ABLIM1: variants seen among roughly 807,000 people sequenced by gnomAD.
ABLIM1 encodes the protein actin-binding LIM protein 1.
A neutral mutation model predicts 107.0 loss-of-function variants in ABLIM1; 40 were observed. The ratio of observed to expected loss-of-function variants is 0.37; its 90% CI spans 0.29 to 0.49. The LOEUF (loss-of-function observed/expected upper bound fraction) is 0.49, where lower values mean the gene tolerates loss of function less well. ABLIM1 is among the 20% of genes least tolerant of loss of function. The pLI, the probability that ABLIM1 is intolerant of heterozygous loss-of-function variation, is 0.97. For synonymous variants in ABLIM1, 357 were observed against 357.3 expected (o/e 1.00, Z 0.01); for missense variants, 857 against 1,008.5 (o/e 0.85, Z 2.04).
At chr10:114,747,081 G>C (rs2142363666) in intron 1 of ABLIM1, among the ~76,000 whole-genome samples, 1 of 152,230 alleles carries the variant, frequency 6.6e-6, no homozygotes, top group East Asian at 1.9e-4. Flanking sequence ...TGTGTAGAAG[G>C]AAAAGTCTTC....
intron 14 of ABLIM1, among the ~76,000 whole-genome samples, chr10:114,450,313 C>A (rs2061661401): frequency 6.6e-6 from 1 of 151,378 alleles, no homozygotes; most frequent in Non-Finnish European, 1.5e-5. Context: ...AGCTCTAGAA[C>A]CATTACGATA....
At chr10:114,591,633 T>G (rs2074886935) in intron 2 of ABLIM1, among the ~76,000 whole-genome samples, 1 of 152,152 alleles carries the variant, frequency 6.6e-6, no homozygotes, top group Non-Finnish European at 1.5e-5. Context: ...AAAAAAAAAT[T>G]CTTCTTTCTC....
chr10:114,769,637 G>A (rs2082998989), upstream of ABLIM1, among the ~76,000 whole-genome samples: 1 of 152,092 alleles, frequency 6.6e-6, no homozygotes, highest in African/African-American at 2.4e-5. Flanking sequence ...CCATCCTGAT[G>A]TGATGGGAAT....
At chr10:114,612,680 G>T (rs558749513) in intron 1 of ABLIM1, among the ~76,000 whole-genome samples, 1 of 152,196 alleles carries the variant, frequency 6.6e-6, no homozygotes, top group Non-Finnish European at 1.5e-5. Flanking sequence ...AATGAATCCA[G>T]TCTAACAAAT....
At chr10:114,655,822 A>G (rs1022850360) in intron 1 of ABLIM1, among the ~76,000 whole-genome samples, 1 of 152,192 alleles carries the variant, frequency 6.6e-6, no homozygotes, top group Non-Finnish European at 1.5e-5. Flanking sequence ...TGTTAAGAGT[A>G]AGAGACAAGG....
intron 6 of ABLIM1, among the ~76,000 whole-genome samples, chr10:114,494,549 C>T (rs1037150435): frequency 1.3e-5 from 2 of 151,830 alleles, no homozygotes; most frequent in African/African-American, 2.4e-5. Flanking sequence ...GCAAACCAAA[C>T]CAAACAACAA....
In ABLIM1 at chr10:114,463,785, G is replaced by A. The variant is rs1173151985; in HGVS notation, c.1441+1913C>T. Among the ~76,000 whole-genome samples, 3 of 152,070 alleles carry A rather than the reference G, an allele frequency of 2.0e-5. No individual in the cohort carries two copies. The East Asian group carries it at 5.8e-4, about 29-fold the overall frequency. ...CCGAGGGGGTTTTAAATCATCATCT[G>A]GCATCTAGAACTTGTGGAGTGGACA... On this transcript the variant is annotated intron_variant, in intron 12 of 22. Coordinates refer to ENST00000533213, the MANE Select transcript of ABLIM1 (RefSeq NM_002313.7).
chr10:114,732,059 C>T (rs956302963), intron 1 of ABLIM1, among the ~76,000 whole-genome samples: 32 of 151,768 alleles, frequency 2.1e-4, no homozygotes, highest in Non-Finnish European at 1.0e-4. Context: ...TATTAGTGTT[C>T]CAATTTCTCT....
chr10:114,634,129 C>CTTT lies in ABLIM1; in HGVS notation c.244+23825_244+23827dup, dbSNP rs745875295. Among the ~76,000 whole-genome samples the CTTT allele has an allele frequency of 1.4e-3, 93 of 68,284 alleles. 10 individuals are homozygous for CTTT. The highest frequency in any genetic ancestry group is 0.01 in the Middle Eastern group (1 of 98). 44.8% of individuals were successfully genotyped at this position (68,284 alleles called of 152,430 possible). On this transcript the variant is annotated intron_variant, in intron 1 of 22. Coordinates refer to ENST00000533213, the MANE Select transcript of ABLIM1 (RefSeq NM_002313.7). Reference sequence around the variant, plus strand: ...CGTAAATGCCATTAGCTCAATTTTTCTTTTTTTTTTTTTTTTTTTTTGAGA... The same window carrying CTTT: ...CGTAAATGCCATTAGCTCAATTTTTCTTTTTTTTTTTTTTTTTTTTTTTTGAGA...
intron 1 of ABLIM1, among the ~76,000 whole-genome samples, chr10:114,708,252 A>G (rs2081468287): frequency 6.6e-6 from 1 of 152,196 alleles, no homozygotes; most frequent in Admixed American, 6.5e-5. Flanking sequence ...CACCATTCCA[A>G]GGCTGTAATT....
chr10:114,588,487 C>CTTTTTTTTT (rs34043960), intron 2 of ABLIM1, among the ~76,000 whole-genome samples: 77 of 76,566 alleles, frequency 1.0e-3, no homozygotes, highest in African/African-American at 2.6e-3. Flanking sequence ...TTCTTTCTTT[C>CTTTTTTTTT]TTTTTTTTTT....
intron 6 of ABLIM1, among the ~76,000 whole-genome samples, chr10:114,532,518 C>T (rs1470653380): frequency 6.6e-6 from 1 of 152,222 alleles, no homozygotes; most frequent in Non-Finnish European, 1.5e-5. Context: ...GCAGACCCCT[C>T]AGCGCAGCAT....
upstream of ABLIM1, among the ~76,000 whole-genome samples, chr10:114,686,923 G>A (rs1339552227): frequency 1.3e-5 from 2 of 152,010 alleles, no homozygotes; most frequent in South Asian, 2.1e-4. Flanking sequence ...CACAGTGCCC[G>A]GCCTCAAACA....
intron 1 of ABLIM1, among the ~76,000 whole-genome samples, chr10:114,767,863 G>T (rs1219766125): frequency 1.3e-5 from 2 of 152,048 alleles, no homozygotes; most frequent in African/African-American, 2.4e-5. Flanking sequence ...CCTTAGGCTC[G>T]CCCACATCCG....
At chr10:114,639,819 TTG>T (rs1290806119) in intron 1 of ABLIM1, among the ~76,000 whole-genome samples, 2 of 152,200 alleles carry the variant, frequency 1.3e-5, no homozygotes, top group African/African-American at 2.4e-5. Context: ...TGCGTGCAGT[TTG>T]TGTGTTTGCT....
At chr10:114,722,835 C>T (rs946673736) in intron 1 of ABLIM1, among the ~76,000 whole-genome samples, 2 of 152,174 alleles carry the variant, frequency 1.3e-5, no homozygotes, top group African/African-American at 2.4e-5. Flanking sequence ...CCCTTCTTTT[C>T]TGGCAAAATC....
In ABLIM1 at chr10:114,707,621, C is replaced by T. The variant is rs115416638; in HGVS notation, c.-213+60440G>A. On this transcript the variant is annotated intron_variant, in intron 1 of 15. Transcript: ENST00000651092. The surrounding 1 kb of genome is among the most constrained non-coding windows in gnomAD (Gnocchi z 4.1). ...TAGTCATAAAAAACTAATTACCGGC[C>T]GGGCACGGTGGCTCACACTTATAAT... Among the ~76,000 whole-genome samples, 2,561 of 152,156 alleles carry T rather than the reference C, an allele frequency of 0.017. 71 individuals carry two copies. The highest frequency in any genetic ancestry group is 0.057 in the African/African-American group (2,366 of 41,492).
intron 3 of ABLIM1, among the ~76,000 whole-genome samples, chr10:114,572,445 C>A (rs1002172834): frequency 6.6e-6 from 1 of 152,160 alleles, no homozygotes; most frequent in Non-Finnish European, 1.5e-5. Flanking sequence ...GAGTTAACCC[C>A]ACAAATGTGG....
chr10:114,760,185 C>T (rs1238688375), intron 1 of ABLIM1, among the ~76,000 whole-genome samples: 2 of 151,630 alleles, frequency 1.3e-5, no homozygotes, highest in Non-Finnish European at 1.5e-5. Flanking sequence ...GATTGAATCT[C>T]GGTGAGAAAG....
Sources: gnomAD v4.1 joint callset for allele counts (sites outside exome capture counted in the v4.1 genomes callset) on GRCh38, gnomAD v4.1.1 for gene constraint, Gnocchi (gnomAD v3.1) non-coding constraint, MANE v1.5 for transcripts, NCBI Gene and HGNC (gene_info 2026-07-23, HGNC 2026-07-21) for gene names.